The following PHC1 variants were observed in gnomAD, a reference collection of about 807,000 sequenced individuals.
PHC1 encodes polyhomeotic homolog 1.
Under a neutral mutation model 104.3 loss-of-function variants are expected in PHC1, and 12 were observed. The ratio of observed to expected loss-of-function variants is 0.12; its 90% confidence interval spans 0.07 to 0.19. The LOEUF (loss-of-function observed/expected upper bound fraction) is 0.19, where lower values mean the gene tolerates loss of function less well. Among genes scored for constraint, PHC1 ranks in the 10% least tolerant of loss-of-function variants. The probability of loss-of-function intolerance (pLI) is 1.00; values close to 1 mark genes in which losing one functional copy is unlikely to be tolerated. For synonymous variants in PHC1, 302 were observed against 455.8 expected, an observed-to-expected ratio of 0.66 and a Z score of 4.30; for missense variants, 671 against 1,200.0, an observed-to-expected ratio of 0.56 and a Z score of 6.51.
chr12:8,921,195 A>T (rs1210877493), intron 4 of PHC1, 130 bp downstream of exon 4: 1 of 658,270 alleles, frequency 1.5e-6, no homozygotes, highest in African/African-American at 1.8e-5. Flanking sequence ...TTAAGTAGAG[A>T]ATAGTAGTAC....
At chr12:8,927,557 T>G (rs1400133490) in intron 6 of PHC1, among the ~76,000 whole-genome samples, 1 of 151,842 alleles carries the variant, frequency 6.6e-6, no homozygotes, top group African/African-American at 2.4e-5. Context: ...ATAGATTCGG[T>G]GGTGGAACTG....
At chr12:8,932,213 C>G (rs976480992) in intron 7 of PHC1, among the ~76,000 whole-genome samples, 1 of 152,130 alleles carries the variant, frequency 6.6e-6, no homozygotes, top group Non-Finnish European at 1.5e-5. Context: ...AACTCCAAGT[C>G]TAATGGAGGA....
At chr12:8,933,433 A>G (rs1945748119) in intron 8 of PHC1, 83 bp downstream of exon 8, 5 of 1,412,570 alleles carry the variant, frequency 3.5e-6, no homozygotes, top group Middle Eastern at 1.8e-4. Flanking sequence ...TTAATTGAAT[A>G]GGGGAATAAA....
chr12:8,938,209 C>A, intron 14 of PHC1, 149 bp downstream of exon 14: 1 of 606,558 alleles, frequency 1.6e-6, no homozygotes. Context: ...AAGTTGACTT[C>A]CTAATTTTTT....
rs1443870927 is a variant in PHC1 at position 8,919,872 on chromosome 12, A to G, written c.225+6A>G. On this transcript the variant is annotated splice_donor_region_variant and intron_variant, in intron 3 of 14. Coordinates refer to ENST00000544916, the MANE Select transcript of PHC1 (RefSeq NM_004426.3). This position sits in a 1 kb window ranked among gnomAD's most constrained non-coding sequence, Gnocchi z 4.9. The stretch of plus-strand genomic sequence containing the variant: ...GCCTGGCTGCCGTCCAGCAGGTGAG[A>G]GGTCAGCAGCCAGCTGGCCCGAGAG... The G allele has an allele frequency of 6.3e-7, 1 of 1,594,494 alleles. No homozygotes were observed. The highest frequency in any genetic ancestry group is 8.6e-7 in the Non-Finnish European group (1 of 1,168,810).
chr12:8,915,503 C>T (rs1229113653), intron 1 of PHC1, among the ~76,000 whole-genome samples: 1 of 152,110 alleles, frequency 6.6e-6, no homozygotes, highest in Non-Finnish European at 1.5e-5. Flanking sequence ...AAGTCCACCT[C>T]AATGTCCCAT....
chr12:8,931,070 T>G, intron 7 of PHC1, 143 bp downstream of exon 7: 1 of 842,314 alleles, frequency 1.2e-6, no homozygotes, highest in Non-Finnish European at 1.8e-6. Flanking sequence ...ATGGGAATAA[T>G]ATCAGCCTTG....
intron 10 of PHC1, 62 bp downstream of exon 10, chr12:8,934,540 C>A: frequency 8.3e-7 from 1 of 1,200,838 alleles, no homozygotes. Context: ...GTTGTCTTTT[C>A]AAACTCCAGT....
In PHC1 at chr12:8,936,044, G is replaced by T. The variant is rs761424050; in HGVS notation, c.2368+806G>T. ...CTCCCAAAGTGCTGGGATTACAGGC[G>T]TGAGCCACCACGCCTGGCCCTTGAA... On this transcript the variant is annotated intron_variant, in intron 11 of 14. Coordinates refer to ENST00000544916, the MANE Select transcript of PHC1 (RefSeq NM_004426.3). 8.9e-4 allele frequency among the ~76,000 whole-genome samples: 135 copies of T among 151,866 alleles called. 1 individual carries two copies. Among genetic ancestry groups the T allele is most frequent in the African/African-American group, 3.2e-3 (132 of 41,430 alleles).
intron 6 of PHC1, among the ~76,000 whole-genome samples, chr12:8,923,206 G>C (rs754717179): frequency 6.6e-6 from 1 of 152,182 alleles, no homozygotes; most frequent in Non-Finnish European, 1.5e-5. Context: ...GGTTGCTTCT[G>C]TTTGTGAGTT....
At position 8,930,833 on chromosome 12, in the gene PHC1, G is replaced by A. The variant is rs149952935; in HGVS notation, c.1011G>A (p.Lys337=). 3.3e-6 allele frequency: 5 copies of A among 1,536,494 alleles called. No individual in the cohort carries two copies. The highest frequency in any genetic ancestry group is 4.4e-6 in the Non-Finnish European group (5 of 1,132,836). Residue 337 remains lysine, a synonymous_variant, in exon 7 of 15, where the codon AAG becomes AAA. Transcript: ENST00000544916. ...SQTEAESAAA[K]KAEADGSGQQ... Reference sequence around the variant, plus strand: ...CAGAGGCAGAAAGTGCAGCAGCCAAGAAGGCAGAAGCAGATGGGAGTGGCC... The same window carrying A: ...CAGAGGCAGAAAGTGCAGCAGCCAAAAAGGCAGAAGCAGATGGGAGTGGCC...
At chr12:8,937,758 T>G in intron 13 of PHC1, 71 bp from the exon 14 acceptor site, 1 of 1,187,790 alleles carries the variant, frequency 8.4e-7, no homozygotes, top group Admixed American at 1.9e-5. Context: ...CAACCCAGGG[T>G]GGTTTGGGAA....
chr12:8,920,084 G>A (rs1426148233), intron 3 of PHC1, among the ~76,000 whole-genome samples: 11 of 152,164 alleles, frequency 7.2e-5, no homozygotes, highest in Admixed American at 7.2e-4. Flanking sequence ...CTGTGTTATA[G>A]ACCTGCATTG....
intron 12 of PHC1, 34 bp downstream of exon 12, chr12:8,936,998 C>G (rs1417334734): frequency 2.7e-6 from 4 of 1,462,842 alleles, no homozygotes; most frequent in Non-Finnish European, 3.8e-6. Context: ...GCCCTCAGCA[C>G]TGGTATCTCC....
chr12:8,915,077 T>C (rs948144461), intron 1 of PHC1: 18 of 152,668 alleles, frequency 1.2e-4, no homozygotes, highest in Admixed American at 3.9e-4. Flanking sequence ...CATTTTCTTA[T>C]TCATTTTTCC....
In PHC1 at chr12:8,937,274, G is replaced by A. The variant is rs773681618; in HGVS notation, c.2576G>A (p.Arg859His). Residue 859 changes from arginine to histidine, a missense_variant, in exon 13 of 15, where the codon CGC (arginine) becomes CAC (histidine). By Grantham distance (29) the Arg-to-His change is conservative. Transcript: ENST00000544916. ...NYARVRRRGP[R>H]RSSSDIARAK... Reference sequence around the variant, plus strand: ...GCTCGCGTTCGCAGGCGTGGACCCCGCCGCAGCTCCTCTGACATTGCCCGT... The same window carrying A: ...GCTCGCGTTCGCAGGCGTGGACCCCACCGCAGCTCCTCTGACATTGCCCGT... 6.8e-6 allele frequency: 11 copies of A among 1,611,922 alleles called. No homozygotes were observed. The highest frequency in any genetic ancestry group is 4.5e-5 in the East Asian group (2 of 44,784).
At chr12:8,921,439 C>G (rs979954932) in intron 4 of PHC1, among the ~76,000 whole-genome samples, 162 bp from the exon 5 acceptor site, 7 of 152,074 alleles carry the variant, frequency 4.6e-5, no homozygotes, top group Non-Finnish European at 7.4e-5. Flanking sequence ...CCTAAAGTAG[C>G]CAGGATGACA....
chr12:8,915,092 C>T (rs1945162299), intron 1 of PHC1: 1 of 152,620 alleles, frequency 6.6e-6, no homozygotes, highest in African/African-American at 2.4e-5. Context: ...TTTTCCTTCT[C>T]TGACTTTGGT....
At chr12:8,928,546 G>C (rs775527326) in intron 6 of PHC1, among the ~76,000 whole-genome samples, 1 of 151,954 alleles carries the variant, frequency 6.6e-6, no homozygotes, top group Non-Finnish European at 1.5e-5. Flanking sequence ...CTTCCCTCGG[G>C]TCCTTTTTTA....
Sources: allele counts gnomAD v4.1 joint callset (sites outside exome capture counted in the v4.1 genomes callset), GRCh38; gene constraint gnomAD v4.1.1; non-coding constraint Gnocchi (gnomAD v3.1); transcripts MANE v1.5; gene names NCBI Gene and HGNC (gene_info 2026-07-23, HGNC 2026-07-21).